Variants in ELF1 observed in about 807,000 individuals in gnomAD.
ELF1 encodes the protein E74 like ETS transcription factor 1.
A neutral mutation model predicts 59.9 loss-of-function variants in ELF1; 24 were observed. That is an observed-to-expected ratio of 0.40 (90% CI 0.29 to 0.56). The LOEUF is 0.56. Among genes scored for constraint, ELF1 ranks in the 20% least tolerant of loss-of-function variants. The pLI, the probability that ELF1 is intolerant of heterozygous loss-of-function variation, is 0.44. For missense variants in ELF1, 627 were observed against 742.2 expected (o/e 0.84, Z 1.80); for synonymous variants, 248 against 266.2 (o/e 0.93, Z 0.67).
At chr13:40,983,199 GAT>G (rs151081573) in intron 1 of ELF1, among the ~76,000 whole-genome samples, 91 of 152,182 alleles carry the variant, frequency 6.0e-4, no homozygotes, top group African/African-American at 2.2e-3. Flanking sequence ...TGAAAAGAAA[GAT>G]ACAAAAATAA....
intron 8 of ELF1, among the ~76,000 whole-genome samples, chr13:40,936,905 G>C (rs940012677): frequency 6.6e-6 from 1 of 152,148 alleles, no homozygotes; most frequent in Admixed American, 6.5e-5. Flanking sequence ...GTGTGAGTGA[G>C]ATCGTGCCAC....
At chr13:41,022,786 G>A (rs1301540429), upstream of ELF1, among the ~76,000 whole-genome samples, 1 of 152,152 alleles carries the variant, frequency 6.6e-6, no homozygotes, top group Non-Finnish European at 1.5e-5. Flanking sequence ...GGCTGAGGCA[G>A]GAGAATCGCT....
In ELF1 at chr13:40,941,210, T is replaced by C. The variant is rs1200374067; in HGVS notation, c.967A>G (p.Arg323Gly). 6.2e-7 allele frequency: 1 copy of C among 1,614,244 alleles called. No individual in the cohort carries two copies. Among genetic ancestry groups the C allele is most frequent in the South Asian group, 1.1e-5 (1 of 91,088 alleles). ...ACTCTCGACCGGCTGGTTTGATTCC[T>C]ATTTGAAGTGGCTGATGAAGATAGC... ...PSLSSSATSN[R>G]NQTSRSRVSS... Residue 323 changes from arginine to glycine, a missense_variant, in exon 8 of 9, where the codon AGG becomes GGG. Transcript: ENST00000239882.
At chr13:41,016,947 A>AT (rs1204325628) in intron 1 of ELF1, among the ~76,000 whole-genome samples, 1 of 24,736 alleles carries the variant, frequency 4.0e-5, no homozygotes, top group Non-Finnish European at 6.8e-5. Context: ...AAAAAAAAAA[A>AT]ATATATATAT....
chr13:41,010,614 G>A (rs561057807), intron 1 of ELF1, among the ~76,000 whole-genome samples: 1 of 152,028 alleles, frequency 6.6e-6, no homozygotes, highest in East Asian at 1.9e-4. Flanking sequence ...TTAAATGGAG[G>A]TTAATTAGTA....
chr13:41,047,294 C>T (rs752261690), intron 1 of ELF1, among the ~76,000 whole-genome samples: 17 of 152,218 alleles, frequency 1.1e-4, no homozygotes, highest in Admixed American at 1.3e-4. Context: ...AGTCATTCTC[C>T]GTCCAGCTTT....
intron 2 of ELF1, among the ~76,000 whole-genome samples, chr13:40,975,886 A>AT (rs1460874419): frequency 6.6e-6 from 1 of 152,232 alleles, no homozygotes; most frequent in African/African-American, 2.4e-5. Context: ...GGACTCAGTG[A>AT]TATTAAAGGC....
At chr13:40,960,196 TAATAC>T (rs1211656127) in intron 2 of ELF1, among the ~76,000 whole-genome samples, 1 of 152,222 alleles carries the variant, frequency 6.6e-6, no homozygotes, top group Non-Finnish European at 1.5e-5. Context: ...AAAATAACAT[TAATAC>T]AATACTATTA....
At chr13:41,028,622 T>G (rs949754250) in intron 1 of ELF1, among the ~76,000 whole-genome samples, 1 of 152,240 alleles carries the variant, frequency 6.6e-6, no homozygotes, top group Admixed American at 6.5e-5. Flanking sequence ...TACATTTGTG[T>G]GTATATATAC....
intron 1 of ELF1, among the ~76,000 whole-genome samples, chr13:41,016,426 C>T: frequency 6.6e-6 from 1 of 151,940 alleles, no homozygotes; most frequent in Admixed American, 6.6e-5. Context: ...TCTCTTATTT[C>T]AAAGGAGGAG....
chr13:41,061,352 C>T (rs1166554757), exon 1 of ELF1: 3 of 471,448 alleles, frequency 6.4e-6, no homozygotes, highest in Non-Finnish European at 1.2e-5. Context: ...GGCTTGAGAT[C>T]CCGTCCTTCA....
exon 1 of ELF1, chr13:41,060,909 G>C: frequency 3.6e-6 from 1 of 280,206 alleles, no homozygotes; most frequent in South Asian, 2.1e-5. Context: ...TACTGAAGCT[G>C]CTGCTGCCGC....
At chr13:40,938,173 G>A (rs1023683440) in intron 8 of ELF1, among the ~76,000 whole-genome samples, 1 of 152,146 alleles carries the variant, frequency 6.6e-6, no homozygotes, top group Non-Finnish European at 1.5e-5. Context: ...ATAAATAAAA[G>A]TTATGCTAGG....
intron 1 of ELF1, among the ~76,000 whole-genome samples, chr13:40,983,471 A>T (rs1873391126): frequency 1.3e-5 from 2 of 152,180 alleles, no homozygotes; most frequent in Admixed American, 1.3e-4. Context: ...TTTAGGGGTC[A>T]TCATGGATGA....
chr13:41,030,821 T>C (rs1190707160), intron 1 of ELF1, among the ~76,000 whole-genome samples: 2 of 149,500 alleles, frequency 1.3e-5, no homozygotes, highest in East Asian at 2.0e-4. Flanking sequence ...GTTGTTTTTT[T>C]TGGGGGGTGG....
intron 2 of ELF1, among the ~76,000 whole-genome samples, chr13:40,959,444 C>T (rs569670882): frequency 3.3e-5 from 5 of 151,986 alleles, no homozygotes; most frequent in South Asian, 2.1e-4. Context: ...TGCAGTGAGC[C>T]GAGATCGCAC....
At chr13:40,984,283 G>T (rs1873441091) in intron 1 of ELF1, among the ~76,000 whole-genome samples, 1 of 152,164 alleles carries the variant, frequency 6.6e-6, no homozygotes, top group Non-Finnish European at 1.5e-5. Flanking sequence ...ATCTTATCAG[G>T]CCAGGCATGG....
intron 1 of ELF1, among the ~76,000 whole-genome samples, chr13:41,018,313 A>G (rs542323024): frequency 3.3e-5 from 5 of 152,240 alleles, no homozygotes; most frequent in Non-Finnish European, 5.9e-5. Context: ...TACAATGACA[A>G]GTACTTCAGG....
At chr13:40,996,551 A>C (rs886932172) in intron 1 of ELF1, among the ~76,000 whole-genome samples, 3 of 152,188 alleles carry the variant, frequency 2.0e-5, no homozygotes, top group African/African-American at 7.2e-5. Context: ...GCCCAAACCC[A>C]TAAAATGTAC....
Sources: gnomAD v4.1 joint callset for allele counts (sites outside exome capture counted in the v4.1 genomes callset) on GRCh38, gnomAD v4.1.1 for gene constraint, MANE v1.5 for transcripts, NCBI Gene and HGNC (gene_info 2026-07-23, HGNC 2026-07-21) for gene names.